Variants in EIF1AX observed in about 807,000 individuals in gnomAD.
EIF1AX encodes eukaryotic translation initiation factor 1A X-linked, also known as eukaryotic translation initiation factor 1A, X-chromosomal.
In EIF1AX, 1 loss-of-function variant was observed where a neutral mutation model predicts 16.1. That is an observed-to-expected ratio of 0.06 (90% CI 0.02 to 0.30). The LOEUF (loss-of-function observed/expected upper bound fraction) is 0.30, where lower values mean the gene tolerates loss of function less well. EIF1AX is among the 10% of genes least tolerant of loss of function. The pLI is 1.00. For missense variants in EIF1AX, 11 were observed against 109.1 expected, an observed-to-expected ratio of 0.10 and a Z score of 4.00; for synonymous variants, 32 against 37.3, an observed-to-expected ratio of 0.86 and a Z score of 0.51.
chrX:20,132,372 AATCT>A, intron 4 of EIF1AX, 109 bp from the exon 5 acceptor site: 1 of 528,590 alleles, frequency 1.9e-6, no homozygotes, highest in Non-Finnish European at 3.0e-6. Context: ...TTTTACTATA[AATCT>A]TTCTCCTTTT....
chrX:20,124,949 T>C lies in EIF1AX; in HGVS notation c.*3357A>G, dbSNP rs1298062412. On this transcript the variant is annotated 3_prime_UTR_variant, in exon 7 of 7. Transcript: ENST00000379607. ...GAATACAGAAGACATGCACCTTCTA[T>C]CTTACATAGTACTGGATATCAAGTG... 2 of 149,107 alleles carry C rather than the reference T, an allele frequency of 1.3e-5. No homozygotes were observed. The highest frequency in any genetic ancestry group is 8.5e-5 in the Admixed American group (1 of 11,730). The allele number at this position is 149,107 out of a possible 1,213,427, so 12.3% of individuals were successfully genotyped here.
rs769541288 is a variant in EIF1AX at position 20,128,596 on chromosome X, CATGAT to C, written c.430-290_430-286del. Among the ~76,000 whole-genome samples, 29 of 112,129 alleles carry C rather than the reference CATGAT, an allele frequency of 2.6e-4. No individual in the cohort carries two copies. The South Asian group carries it at 0.01, about 40-fold the overall frequency. On this transcript the variant is annotated intron_variant, in intron 6 of 6. Transcript: ENST00000379607. ...CATGGATGGGAGCAGACACAGGAAG[CATGAT>C]ATGATTGATCCCGTTCAGTGTGATA...
chrX:20,139,164 A>G (rs991532998), intron 1 of EIF1AX, among the ~76,000 whole-genome samples: 3 of 111,845 alleles, frequency 2.7e-5, no homozygotes, highest in African/African-American at 9.8e-5. Context: ...TGGGAGGATC[A>G]CTTGAGCAAG....
intron 1 of EIF1AX, among the ~76,000 whole-genome samples, chrX:20,139,012 A>G (rs955057619): frequency 2.9e-4 from 33 of 112,400 alleles, no homozygotes; most frequent in African/African-American, 1.1e-3. Context: ...AAGGAACCCG[A>G]TACTTTCAAA....
chrX:20,138,743 T>A (rs933485508), intron 1 of EIF1AX, 121 bp from the exon 2 acceptor site: 1 of 485,601 alleles, frequency 2.1e-6, no homozygotes, highest in South Asian at 3.8e-5. Flanking sequence ...AATTAAAAAA[T>A]TCATCTATTT....
intron 3 of EIF1AX, among the ~76,000 whole-genome samples, 153 bp from the exon 4 acceptor site, chrX:20,134,160 G>A (rs111358705): frequency 0.024 from 2,740 of 112,374 alleles, 83 homozygotes; most frequent in African/African-American, 0.083. Flanking sequence ...GCCAAGGTGG[G>A]CGGATCACCT....
chrX:20,139,505 C>T (rs1347046335), intron 1 of EIF1AX, among the ~76,000 whole-genome samples: 2 of 111,331 alleles, frequency 1.8e-5, no homozygotes, highest in Non-Finnish European at 3.8e-5. Flanking sequence ...CTGGGGTGAC[C>T]AAAGTCACAA....
At chrX:20,139,900 G>C (rs933012084) in intron 1 of EIF1AX, 5 of 112,131 alleles carry the variant, frequency 4.5e-5, no homozygotes, top group African/African-American at 1.6e-4. Flanking sequence ...CATGTTAGCT[G>C]TATTTTTTGT....
chrX:20,129,512 C>T (rs1444414088), intron 6 of EIF1AX, among the ~76,000 whole-genome samples: 1 of 112,325 alleles, frequency 8.9e-6, no homozygotes, highest in Non-Finnish European at 1.9e-5. Context: ...TTAAGAGTAA[C>T]ACCCTAATCA....
At chrX:20,136,208 T>A in intron 2 of EIF1AX, 3 of 323,632 alleles carry the variant, frequency 9.3e-6, no homozygotes, top group South Asian at 2.9e-5. Context: ...CTACAACTGC[T>A]ACCTTTATAA....
At chrX:20,138,763 A>G in intron 1 of EIF1AX, 141 bp from the exon 2 acceptor site, 1 of 416,345 alleles carries the variant, frequency 2.4e-6, no homozygotes. Flanking sequence ...TTAGCTACAC[A>G]ATCATATTAA....
chrX:20,124,656 A>T lies in EIF1AX; in HGVS notation c.*3650T>A, dbSNP rs2066979021. On this transcript the variant is annotated 3_prime_UTR_variant, in exon 7 of 7. Coordinates refer to ENST00000379607, the MANE Select transcript of EIF1AX (RefSeq NM_001412.4). ...TTAGCTGTCATGAATCTATAGTAAA[A>T]GGAATCACTGAAGATTTAAGAATAA... The T allele has an allele frequency of 1.4e-5, 2 of 145,865 alleles. No individual in the cohort carries two copies. The highest frequency in any genetic ancestry group is 2.7e-5 in the Non-Finnish European group (2 of 73,520). The allele number at this position is 145,865 out of a possible 1,213,427, so 12.0% of individuals were successfully genotyped here.
At chrX:20,131,747 T>C (rs2067002228) in intron 5 of EIF1AX, among the ~76,000 whole-genome samples, 1 of 101,466 alleles carries the variant, frequency 9.9e-6, no homozygotes, top group Non-Finnish European at 2.0e-5. Flanking sequence ...GGCTCGAGTA[T>C]AGTGGCATGA....
chrX:20,129,746 G>A (rs998075604), intron 6 of EIF1AX, among the ~76,000 whole-genome samples: 19 of 112,149 alleles, frequency 1.7e-4, no homozygotes, highest in South Asian at 3.7e-4. Flanking sequence ...CTTCCATTTT[G>A]ACAAGGCTTT....
Position 20,141,814 on chromosome X carries a change from T to C in EIF1AX, c.-174A>G, listed in dbSNP as rs1009255375. On this transcript the variant is annotated 5_prime_UTR_variant, in exon 1 of 7. Coordinates refer to ENST00000379607, the MANE Select transcript of EIF1AX (RefSeq NM_001412.4). ...CCAGCTCTTCAGAGATCCGCCTGCG[T>C]CCACGCTCGGCGGCAGCAAATGGCG... 2.5e-4 allele frequency: 112 copies of C among 452,478 alleles called. No homozygotes were observed. The highest frequency in any genetic ancestry group is 6.4e-5 in the Non-Finnish European group (18 of 282,343). 37.3% of individuals were successfully genotyped at this position (452,478 alleles called of 1,213,427 possible).
chrX:20,136,247 C>A lies in EIF1AX; in HGVS notation c.101-406G>T, dbSNP rs186111160. On this transcript the variant is annotated intron_variant, in intron 2 of 6. Transcript: ENST00000379607. ...CGTGTGCGTGCACACACACACACACCCCCCACACACACACCAGACATATGC... is the reference window on the plus strand; with the variant it reads ...CGTGTGCGTGCACACACACACACACACCCCACACACACACCAGACATATGC... The A allele has an allele frequency of 1.3e-3, 440 of 348,531 alleles. 4 individuals are homozygous for A. Among genetic ancestry groups the A allele is most frequent in the African/African-American group, 0.01 (387 of 38,108 alleles). 28.7% of individuals were successfully genotyped at this position (348,531 alleles called of 1,213,427 possible). A position where few individuals can be genotyped will look rare whatever the true frequency, so the allele number is the denominator to read the frequency against.
At chrX:20,134,509 C>T (rs1049988118) in intron 3 of EIF1AX, among the ~76,000 whole-genome samples, 3 of 110,559 alleles carry the variant, frequency 2.7e-5, no homozygotes, top group Non-Finnish European at 5.7e-5. Flanking sequence ...AGGCCGAGGC[C>T]GGCGGGTCAC....
rs1423119942 is a variant in EIF1AX at position 20,127,556 on chromosome X, T to G, written c.*750A>C. 1 of 144,713 alleles carries G rather than the reference T, an allele frequency of 6.9e-6. No individual in the cohort carries two copies. Among genetic ancestry groups the G allele is most frequent in the Non-Finnish European group, 1.4e-5 (1 of 72,796 alleles). 11.9% of individuals were successfully genotyped at this position (144,713 alleles called of 1,213,427 possible). ...GCATATGATCAAAACAATCTTTTCATGTTTGGGGTATTTCTTACACATAGT... is the reference window on the plus strand; with the variant it reads ...GCATATGATCAAAACAATCTTTTCAGGTTTGGGGTATTTCTTACACATAGT... On this transcript the variant is annotated 3_prime_UTR_variant, in exon 7 of 7. Transcript: ENST00000379607.
At chrX:20,134,461 G>A (rs1357273689) in intron 3 of EIF1AX, among the ~76,000 whole-genome samples, 1 of 111,478 alleles carries the variant, frequency 9.0e-6, no homozygotes. Flanking sequence ...AGTTTGGGCT[G>A]GCATTGTGGC....
Sources: allele counts gnomAD v4.1 joint callset (sites outside exome capture counted in the v4.1 genomes callset), GRCh38; gene constraint gnomAD v4.1.1; transcripts MANE v1.5; gene names NCBI Gene and HGNC (gene_info 2026-07-23, HGNC 2026-07-21).